Variants in MAPT observed in about 807,000 individuals in gnomAD.
MAPT encodes microtubule associated protein tau.
In MAPT, 34 loss-of-function variants were observed where a neutral mutation model predicts 67.9. That is an observed-to-expected ratio of 0.50 (90% CI 0.38 to 0.67). The LOEUF is 0.67. MAPT is among the 30% of genes least tolerant of loss of function. The probability of loss-of-function intolerance (pLI) is 0.00; values close to 1 mark genes in which losing one functional copy is unlikely to be tolerated. For synonymous variants in MAPT, 456 were observed against 464.5 expected (o/e 0.98, Z 0.23); for missense variants, 881 against 1,115.2 (o/e 0.79, Z 2.99).
chr17:45,994,308 A>G (rs62063846), intron 8 of MAPT, among the ~76,000 whole-genome samples: 22,037 of 152,102 alleles, frequency 0.14, 2,141 homozygotes, highest in Non-Finnish European at 0.22. Context: ...CACTCTGTAA[A>G]TAAGAGGCAT....
At chr17:46,011,676 G>A (rs924643152) in intron 10 of MAPT, among the ~76,000 whole-genome samples, 8 of 152,174 alleles carry the variant, frequency 5.3e-5, no homozygotes, top group Non-Finnish European at 8.8e-5. Flanking sequence ...GGTGGGAGGC[G>A]TTGATTTTTG....
At chr17:45,928,002 G>GAAAAAAAAAA (rs35954789) in intron 1 of MAPT, among the ~76,000 whole-genome samples, 1 of 55,190 alleles carries the variant, frequency 1.8e-5, no homozygotes, top group African/African-American at 7.5e-5. Flanking sequence ...TCCGTCTCAG[G>GAAAAAAAAAA]AAAAAAAAAA....
chr17:45,955,882 C>A (rs979142466), intron 1 of MAPT, among the ~76,000 whole-genome samples: 10 of 152,162 alleles, frequency 6.6e-5, no homozygotes, highest in African/African-American at 2.4e-5. Context: ...ATTACAGGTA[C>A]ACTCCACCAT....
intron 1 of MAPT, among the ~76,000 whole-genome samples, chr17:45,901,981 G>A (rs2063643286): frequency 6.7e-6 from 1 of 149,112 alleles, no homozygotes; most frequent in African/African-American, 2.5e-5. Flanking sequence ...CCTTTATGAA[G>A]TCTTTCCAAA....
At chr17:45,927,233 G>C (rs1282280932) in intron 1 of MAPT, among the ~76,000 whole-genome samples, 1 of 152,092 alleles carries the variant, frequency 6.6e-6, no homozygotes, top group Non-Finnish European at 1.5e-5. Flanking sequence ...TCTAAACAAT[G>C]TGATTTGGCA....
At position 45,996,480 on chromosome 17, in the gene MAPT, C is replaced by T. The variant is rs1472402760; in HGVS notation, c.1814C>T (p.Pro605Leu). The T allele has an allele frequency of 6.8e-6, 11 of 1,613,214 alleles. No individual in the cohort carries two copies. Among genetic ancestry groups the T allele is most frequent in the African/African-American group, 1.3e-5 (1 of 74,920 alleles). ...PGTPGSRSRT[P>L]SLPTPPTREP... is the part of the protein sequence containing the mutation. ...ACTCCCGGCAGCCGCTCCCGCACCC[C>T]GTCCCTTCCAACCCCACCCACCCGG... is the stretch of plus-strand genomic sequence containing the variant. Residue 605 changes from proline to leucine, a missense_variant, in exon 9 of 13, where the codon CCG becomes CTG. By Grantham distance (98) the Pro-to-Leu change is moderately conservative. Coordinates refer to ENST00000262410, the MANE Select transcript of MAPT (RefSeq NM_001377265.1). This position sits in a 1 kb window ranked among gnomAD's most constrained non-coding sequence, Gnocchi z 4.5.
intron 1 of MAPT, chr17:45,895,442 CG>C (rs1228071372): frequency 6.6e-6 from 1 of 152,290 alleles, no homozygotes; most frequent in Non-Finnish European, 1.5e-5. Context: ...GAACAGTGCG[CG>C]GATCCCACTG....
chr17:45,933,708 C>T (rs536959364), intron 1 of MAPT, among the ~76,000 whole-genome samples: 3 of 152,236 alleles, frequency 2.0e-5, no homozygotes, highest in East Asian at 1.9e-4. Context: ...CAGTGCCACG[C>T]GATGCCATTT....
At chr17:45,958,797 T>C (rs1049768565) in intron 1 of MAPT, among the ~76,000 whole-genome samples, 5 of 151,674 alleles carry the variant, frequency 3.3e-5, no homozygotes, top group Non-Finnish European at 7.4e-5. Context: ...GCGCAGTGGC[T>C]CACACCTTTA....
intron 1 of MAPT, among the ~76,000 whole-genome samples, chr17:45,955,003 A>G (rs573112053): frequency 5.3e-5 from 8 of 152,130 alleles, no homozygotes; most frequent in Non-Finnish European, 1.0e-4. Flanking sequence ...AAACAAAAAC[A>G]AAAACAAAAA....
chr17:45,941,579 C>T (rs1364381384), intron 1 of MAPT, among the ~76,000 whole-genome samples: 1 of 150,966 alleles, frequency 6.6e-6, no homozygotes, highest in Non-Finnish European at 1.5e-5. Context: ...AGCTTTTTCT[C>T]CTTTGCCCGC....
At chr17:45,953,560 C>T (rs1349851677) in intron 1 of MAPT, among the ~76,000 whole-genome samples, 1 of 152,240 alleles carries the variant, frequency 6.6e-6, no homozygotes, top group Non-Finnish European at 1.5e-5. Context: ...CCTTGAGAGG[C>T]ACACAGTTTA....
intron 1 of MAPT, among the ~76,000 whole-genome samples, chr17:45,920,265 A>T (rs1312869316): frequency 1.3e-5 from 2 of 152,202 alleles, no homozygotes; most frequent in African/African-American, 4.8e-5. Flanking sequence ...GTGCTCGGCA[A>T]TGTTGACCAG....
intron 1 of MAPT, among the ~76,000 whole-genome samples, chr17:45,914,747 G>T (rs1472660090): frequency 6.0e-5 from 9 of 149,916 alleles, no homozygotes; most frequent in African/African-American, 2.0e-4. Flanking sequence ...TTGAGACAGG[G>T]TCTCTCTCTG....
chr17:46,011,058 G>A lies in MAPT; in HGVS notation c.2091+656G>A, dbSNP rs144664385. On this transcript the variant is annotated intron_variant, in intron 10 of 12. Transcript: ENST00000262410. ...AAAGTGCGACAGGTCCCTCTGCCCA[G>A]CGTTGAGGTGTGGCAGAGAAATGCT... 8.4e-3 allele frequency among the ~76,000 whole-genome samples: 1,280 copies of A among 152,346 alleles called. 18 individuals carry two copies. The highest frequency in any genetic ancestry group is 0.029 in the African/African-American group (1,197 of 41,582).
chr17:45,990,509 G>A (rs751964257), intron 7 of MAPT: 40 of 450,404 alleles, frequency 8.9e-5, no homozygotes, highest in South Asian at 6.0e-4. Flanking sequence ...GCAGCTACTC[G>A]GGAGGCTGAG....
chr17:45,961,214 A>T (rs2070373114), intron 1 of MAPT, among the ~76,000 whole-genome samples: 1 of 152,226 alleles, frequency 6.6e-6, no homozygotes, highest in Non-Finnish European at 1.5e-5. Flanking sequence ...AATTATTTTT[A>T]AAATAATAAT....
intron 8 of MAPT, among the ~76,000 whole-genome samples, chr17:45,992,186 G>C (rs1196101632): frequency 6.6e-6 from 1 of 152,164 alleles, no homozygotes; most frequent in Non-Finnish European, 1.5e-5. Flanking sequence ...TCGAGCCTCT[G>C]AGAGTTTGCT....
At chr17:45,912,872 A>G (rs949511056) in intron 1 of MAPT, among the ~76,000 whole-genome samples, 1 of 152,174 alleles carries the variant, frequency 6.6e-6, no homozygotes, top group Non-Finnish European at 1.5e-5. Context: ...AGCTGGTTGG[A>G]GCTGTCAGAA....
Sources: allele counts gnomAD v4.1 joint callset (sites outside exome capture counted in the v4.1 genomes callset), GRCh38; gene constraint gnomAD v4.1.1; non-coding constraint Gnocchi (gnomAD v3.1); transcripts MANE v1.5; gene names NCBI Gene and HGNC (gene_info 2026-07-23, HGNC 2026-07-21).